The following SFXN5 variants were observed in gnomAD, a reference collection of about 807,000 sequenced individuals.
The protein encoded by SFXN5 is sideroflexin-5.
SFXN5 carries 43 observed loss-of-function variants against 50.2 expected under a neutral mutation model. The ratio of observed to expected loss-of-function variants is 0.86; its 90% CI spans 0.67 to 1.11. The LOEUF (loss-of-function observed/expected upper bound fraction) is 1.11, where lower values mean the gene tolerates loss of function less well. SFXN5 is among the 50% of genes least tolerant of loss of function. The pLI, the probability that SFXN5 is intolerant of heterozygous loss-of-function variation, is 0.00. For missense variants in SFXN5, 463 were observed against 454.1 expected, an observed-to-expected ratio of 1.02 and a Z score of -0.18; for synonymous variants, 203 against 185.8, an observed-to-expected ratio of 1.09 and a Z score of -0.75.
chr2:73,020,338 G>A, intron 5 of SFXN5, 74 bp from the exon 6 acceptor site: 1 of 1,529,062 alleles, frequency 6.5e-7, no homozygotes, highest in Non-Finnish European at 9.0e-7. Context: ...GAGCCTCCGG[G>A]TTAGGTCTTA....
At chr2:73,000,613 G>A (rs935895423) in intron 7 of SFXN5, 126 bp from the exon 8 acceptor site, 62 of 867,704 alleles carry the variant, frequency 7.1e-5, no homozygotes, top group Non-Finnish European at 9.6e-5. Flanking sequence ...ACATGGTGCC[G>A]CCCATGCTGC....
intron 13 of SFXN5, among the ~76,000 whole-genome samples, chr2:72,948,736 A>G (rs1672216545): frequency 6.6e-6 from 1 of 152,190 alleles, no homozygotes; most frequent in Non-Finnish European, 1.5e-5. Flanking sequence ...GGGGAGATGC[A>G]GGCAGTGGGA....
intron 4 of SFXN5, 32 bp from the exon 5 acceptor site, chr2:73,022,608 G>A (rs1383743505): frequency 8.4e-7 from 1 of 1,194,464 alleles, no homozygotes. Flanking sequence ...AATGGGGTGG[G>A]GACGGGGGTG....
At chr2:73,030,078 A>G (rs1457824215) in intron 3 of SFXN5, among the ~76,000 whole-genome samples, 1 of 152,074 alleles carries the variant, frequency 6.6e-6, no homozygotes, top group East Asian at 1.9e-4. Context: ...GTTCAAAATA[A>G]AACAAAACAA....
At chr2:73,013,793 GA>G (rs894138263) in intron 6 of SFXN5, among the ~76,000 whole-genome samples, 2 of 151,964 alleles carry the variant, frequency 1.3e-5, no homozygotes, top group Non-Finnish European at 2.9e-5. Flanking sequence ...TTTTTGTGAA[GA>G]TGTTTTTAAA....
At position 72,950,795 on chromosome 2, in the gene SFXN5, G is replaced by A. The variant is rs1421560962; in HGVS notation, c.946-5696C>T. On this transcript the variant is annotated intron_variant, in intron 13 of 13. Transcript: ENST00000272433. This position sits in a 1 kb window ranked among gnomAD's most constrained non-coding sequence, Gnocchi z 4.2. ...GCTGCCCAACCAACTCCACCCCGCA[G>A]AAGGCCAGAGCCCCAGGGCAGTGGG... is the stretch of plus-strand genomic sequence containing the variant. Among the ~76,000 whole-genome samples the A allele has an allele frequency of 6.6e-6, 1 of 152,254 alleles. No homozygotes were observed. The highest frequency in any genetic ancestry group is 2.4e-5 in the African/African-American group (1 of 41,472).
intron 9 of SFXN5, among the ~76,000 whole-genome samples, chr2:72,989,663 G>A (rs989256806): frequency 3.3e-5 from 5 of 152,162 alleles, no homozygotes; most frequent in African/African-American, 1.2e-4. Flanking sequence ...GGCAAAGGCT[G>A]GGAGTGGGGC....
intron 10 of SFXN5, among the ~76,000 whole-genome samples, chr2:72,983,305 C>T (rs916116925): frequency 1.7e-4 from 26 of 152,200 alleles, no homozygotes; most frequent in East Asian, 7.7e-4. Flanking sequence ...CCCTGGGCAA[C>T]GGACTCATTG....
chr2:73,045,391 C>A (rs890403075), intron 2 of SFXN5, among the ~76,000 whole-genome samples: 1 of 152,160 alleles, frequency 6.6e-6, no homozygotes. Context: ...AAATAAACAG[C>A]CTCTTTTACT....
At chr2:73,066,100 G>A (rs1683159091) in intron 1 of SFXN5, among the ~76,000 whole-genome samples, 2 of 152,142 alleles carry the variant, frequency 1.3e-5, no homozygotes, top group Admixed American at 6.6e-5. Context: ...GTGGTTAAAT[G>A]CATAGACTTT....
Position 72,961,582 on chromosome 2 carries a change from C to G in SFXN5, c.828-334G>C, listed in dbSNP as rs1673755886. Among the ~76,000 whole-genome samples the G allele has an allele frequency of 6.6e-6, 1 of 152,202 alleles. No homozygotes were observed. Among genetic ancestry groups the G allele is most frequent in the Non-Finnish European group, 1.5e-5 (1 of 68,034 alleles). On this transcript the variant is annotated intron_variant, in intron 12 of 13. Transcript: ENST00000272433. The surrounding 1 kb of genome is among the most constrained non-coding windows in gnomAD (Gnocchi z 4.4). ...AAGAAGGCCCTATGTGGGAGAGACACTCAAAGAGGCTGTCGGCCCCTGTTC... is the reference window on the plus strand; with the variant it reads ...AAGAAGGCCCTATGTGGGAGAGACAGTCAAAGAGGCTGTCGGCCCCTGTTC...
intron 13 of SFXN5, among the ~76,000 whole-genome samples, chr2:72,951,981 C>T (rs998108009): frequency 2.0e-5 from 3 of 152,332 alleles, no homozygotes; most frequent in African/African-American, 7.2e-5. Flanking sequence ...CACACACATC[C>T]AGGCCCCACC....
chr2:72,958,430 A>T (rs1673344328), intron 13 of SFXN5, among the ~76,000 whole-genome samples: 2 of 152,186 alleles, frequency 1.3e-5, no homozygotes, highest in African/African-American at 4.8e-5. Flanking sequence ...TCCCCAGCAA[A>T]GTCAGTAGCA....
In SFXN5 at chr2:73,012,423, A is replaced by AT. The variant is rs912904254; in HGVS notation, c.357+7815dup. 5.9e-4 allele frequency among the ~76,000 whole-genome samples: 90 copies of AT among 151,614 alleles called. 1 individual carries two copies. In the East Asian group the frequency reaches 0.016, roughly 27 times the overall value. ...TAATTTTATAAAATATACAGAGAAG[A>AT]TTTTTTTTTAAATCCTAGGAGATAT... is the stretch of plus-strand genomic sequence containing the variant. On this transcript the variant is annotated intron_variant, in intron 6 of 13. Transcript: ENST00000272433.
intron 2 of SFXN5, among the ~76,000 whole-genome samples, chr2:73,055,034 C>A (rs530869691): frequency 2.1e-4 from 32 of 152,324 alleles, no homozygotes; most frequent in Non-Finnish European, 3.4e-4. Flanking sequence ...CTGGGCTGCT[C>A]CCCTGGACAT....
Position 73,039,729 on chromosome 2 carries a change from G to A in SFXN5, c.249+1125C>T, listed in dbSNP as rs113717960. ...TAGTTGCTCCTGCGGAACAGGCATG[G>A]GAACTGGGGAGGGATAGGGAACATA... On this transcript the variant is annotated intron_variant, in intron 3 of 13. Coordinates refer to ENST00000272433, the MANE Select transcript of SFXN5 (RefSeq NM_144579.3). Among the ~76,000 whole-genome samples the A allele has an allele frequency of 3.9e-3, 591 of 152,194 alleles. 5 individuals are homozygous for A. Among genetic ancestry groups the A allele is most frequent in the African/African-American group, 0.014 (565 of 41,518 alleles).
rs1007506388 is a variant in SFXN5 at position 73,040,872 on chromosome 2, C to G, written c.231G>C (p.Pro77=). 4 of 1,612,534 alleles carry G rather than the reference C, an allele frequency of 2.5e-6. No homozygotes were observed. The highest frequency in any genetic ancestry group is 1.7e-5 in the Admixed American group (1 of 59,870). ...LEDYKHGTLR[P]GVTNEQLWSA... is the part of the protein sequence containing the mutation. ...GAGTTACCTGTTCATTGGTGACCCCCGGGCGCAGGGTCCCATGCTTATAGT... is the reference window on the plus strand; with the variant it reads ...GAGTTACCTGTTCATTGGTGACCCCGGGGCGCAGGGTCCCATGCTTATAGT... The change falls in exon 3 of 14, where the codon CCG becomes CCC. Residue 77 remains proline (P), a synonymous_variant. Coordinates refer to ENST00000272433, the MANE Select transcript of SFXN5 (RefSeq NM_144579.3).
intron 10 of SFXN5, among the ~76,000 whole-genome samples, chr2:72,976,156 C>T (rs1423285414): frequency 6.6e-6 from 1 of 152,180 alleles, no homozygotes; most frequent in East Asian, 1.9e-4. Flanking sequence ...TCACAGCTCA[C>T]AGAGTGGTCT....
At chr2:73,047,245 A>AATATATAT (rs1167103035) in intron 2 of SFXN5, among the ~76,000 whole-genome samples, 17 of 18,914 alleles carry the variant, frequency 9.0e-4, no homozygotes, top group South Asian at 6.8e-3. Context: ...AAAAAAAAAA[A>AATATATAT]ATATATATAT....
Sources: allele counts gnomAD v4.1 joint callset (sites outside exome capture counted in the v4.1 genomes callset), GRCh38; gene constraint gnomAD v4.1.1; non-coding constraint Gnocchi (gnomAD v3.1); transcripts MANE v1.5; gene names NCBI Gene and HGNC (gene_info 2026-07-23, HGNC 2026-07-21).